MYH10: variants seen among roughly 807,000 people sequenced by gnomAD.
The protein encoded by MYH10 is myosin heavy chain 10, also known as myosin-10.
MYH10 carries 55 observed loss-of-function variants against 257.8 expected under a neutral mutation model. That is an observed-to-expected ratio of 0.21 (90% CI 0.17 to 0.27). The LOEUF is 0.27. MYH10 is among the 10% of genes least tolerant of loss of function. The probability of loss-of-function intolerance (pLI) is 1.00; values close to 1 mark genes in which losing one functional copy is unlikely to be tolerated. For missense variants in MYH10, 1,631 were observed against 2,500.6 expected (o/e 0.65, Z 7.42); for synonymous variants, 854 against 921.7 (o/e 0.93, Z 1.33).
intron 22 of MYH10, 45 bp downstream of exon 22, chr17:8,513,741 C>G (rs2081373537): frequency 6.2e-7 from 1 of 1,610,580 alleles, no homozygotes; most frequent in South Asian, 1.1e-5. Flanking sequence ...CCTGATCAGA[C>G]TCTGCTATTT....
intron 2 of MYH10, among the ~76,000 whole-genome samples, chr17:8,610,169 C>A (rs1320456628): frequency 2.1e-5 from 3 of 144,522 alleles, no homozygotes; most frequent in Non-Finnish European, 3.0e-5. Context: ...AAGTGAGAGA[C>A]AATGTAGCAT....
rs763852422 is a variant in MYH10, at chr17:8,476,878, C to T, written c.5877G>A (p.Leu1959=). The T allele has an allele frequency of 6.8e-6, 11 of 1,607,022 alleles. No homozygotes were observed. Among genetic ancestry groups the T allele is most frequent in the Admixed American group, 1.7e-5 (1 of 59,984 alleles). Residue 1959 remains leucine (L), a splice_region_variant and synonymous_variant, in exon 42 of 43, where the codon CTG becomes CTA. Coordinates refer to ENST00000360416, the MANE Select transcript of MYH10 (RefSeq NM_001256012.3). ...SREVSTLKNR[L]RRGGPISFSS... ...CTCGGGGCCGCATGCCTGCTCACCT[C>T]AGCCGGTTCTTCAGGGTGCTGACCT...
At chr17:8,598,729 C>A (rs1229937789) in intron 3 of MYH10, among the ~76,000 whole-genome samples, 9 of 141,146 alleles carry the variant, frequency 6.4e-5, no homozygotes, top group Admixed American at 4.3e-4. Flanking sequence ...TTTTTTGAGA[C>A]GGGGTCTTGC....
intron 35 of MYH10, 144 bp from the exon 36 acceptor site, chr17:8,487,738 T>TAC: frequency 2.1e-6 from 2 of 948,768 alleles, no homozygotes; most frequent in Non-Finnish European, 3.2e-6. Flanking sequence ...ACCAAACAGT[T>TAC]ACTATCAACA....
At chr17:8,525,032 C>A (rs2081796936) in intron 17 of MYH10, among the ~76,000 whole-genome samples, 2 of 152,208 alleles carry the variant, frequency 1.3e-5, no homozygotes, top group African/African-American at 4.8e-5. Flanking sequence ...AACGAAGGCA[C>A]CTCTCTTGTC....
rs1240169980 is a variant in MYH10, at chr17:8,495,230, A to C, written c.3963T>G (p.Asp1321Glu). The C allele has an allele frequency of 1.2e-6, 2 of 1,605,390 alleles. No individual in the cohort carries two copies. The highest frequency in any genetic ancestry group is 1.7e-6 in the Non-Finnish European group (2 of 1,172,548). Reference sequence around the variant, plus strand: ...CTTCTTCCAGAAGGGTGGAGACATTATCTAGCTCATTCTGTAAGGAGCAGA... The same window carrying C: ...CTTCTTCCAGAAGGGTGGAGACATTCTCTAGCTCATTCTGTAAGGAGCAGA... ...EKASKLQNELDNVSTLLEEAE... is the reference protein window; with the variant it reads ...EKASKLQNELENVSTLLEEAE... The change falls in exon 31 of 43, where the codon GAT becomes GAG. Residue 1321 changes from aspartate (D) to glutamate (E), a missense_variant. Around this residue, in one of 11 missense-constraint regions of MYH10, gnomAD observed 463 missense variants for 621.8 expected, o/e 0.74. Transcript: ENST00000360416.
rs538005359 is a variant in MYH10 at position 8,524,902 on chromosome 17, T to A, written c.1958-3617A>T. Among the ~76,000 whole-genome samples, 12 of 152,314 alleles carry A rather than the reference T, an allele frequency of 7.9e-5. No homozygotes were observed. The South Asian group carries it at 2.1e-3, about 26-fold the overall frequency. ...CTCAGAGTCAGACACACCACACTCATGAGCTGGGTGATTCTGGGGCAAGTG... is the reference window on the plus strand; with the variant it reads ...CTCAGAGTCAGACACACCACACTCAAGAGCTGGGTGATTCTGGGGCAAGTG... On this transcript the variant is annotated intron_variant, in intron 17 of 42. Coordinates refer to ENST00000360416, the MANE Select transcript of MYH10 (RefSeq NM_001256012.3).
chr17:8,526,167 T>A (rs2081839930), intron 17 of MYH10, among the ~76,000 whole-genome samples: 1 of 152,176 alleles, frequency 6.6e-6, no homozygotes, highest in African/African-American at 2.4e-5. Context: ...AGAAACACTT[T>A]GGGAAATTCA....
intron 6 of MYH10, among the ~76,000 whole-genome samples, chr17:8,573,412 GCA>G (rs1444529063): frequency 2.0e-5 from 3 of 152,292 alleles, no homozygotes; most frequent in East Asian, 3.9e-4. Flanking sequence ...TCTTGGTTCA[GCA>G]CAGTTTAAAC....
chr17:8,538,626 T>G (rs1027201706), intron 14 of MYH10, among the ~76,000 whole-genome samples: 2 of 152,130 alleles, frequency 1.3e-5, no homozygotes, highest in African/African-American at 4.8e-5. Context: ...CTGAGCTATC[T>G]CTCCTATAAA....
At chr17:8,493,962 T>C in intron 31 of MYH10, 77 bp from the exon 32 acceptor site, 1 of 1,490,164 alleles carries the variant, frequency 6.7e-7, no homozygotes, top group Non-Finnish European at 9.0e-7. Context: ...AAAGAATTCA[T>C]GTCGTACAAA....
Position 8,623,037 on chromosome 17 carries a change from C to T in MYH10, c.210G>A (p.Met70Ile). 1 of 1,614,104 alleles carries T rather than the reference C, an allele frequency of 6.2e-7. No homozygotes were observed. Among genetic ancestry groups the T allele is most frequent in the South Asian group, 1.1e-5 (1 of 91,078 alleles). The change falls in exon 2 of 43, where the codon ATG becomes ATA. Residue 70 changes from methionine (M) to isoleucine (I), a missense_variant. Physicochemically the swap from Met to Ile is conservative, Grantham distance 10. This residue lies in a region of MYH10 where 360 missense variants were observed against 581.9 expected (regional missense o/e 0.62). Transcript: ENST00000360416. ...VELAENGKKA[M>I]VNKDDIQKMN... Reference sequence around the variant, plus strand: ...TCTTCTGAATATCATCTTTGTTGACCATTGCTTTCTTTCCATTCTCTGCCA... The same window carrying T: ...TCTTCTGAATATCATCTTTGTTGACTATTGCTTTCTTTCCATTCTCTGCCA...
intron 3 of MYH10, among the ~76,000 whole-genome samples, chr17:8,599,241 T>C (rs944243583): frequency 1.3e-5 from 2 of 152,234 alleles, no homozygotes; most frequent in Non-Finnish European, 2.9e-5. Flanking sequence ...GCCTGCTATA[T>C]GGAATAGACA....
chr17:8,564,993 A>G (rs1454178638), intron 7 of MYH10, among the ~76,000 whole-genome samples: 2 of 152,156 alleles, frequency 1.3e-5, no homozygotes, highest in African/African-American at 2.4e-5. Context: ...GTTGGCCTGG[A>G]CGTGGGCCAT....
At chr17:8,501,012 C>T in intron 28 of MYH10, 42 bp from the exon 29 acceptor site, 3 of 1,565,358 alleles carry the variant, frequency 1.9e-6, no homozygotes, top group Non-Finnish European at 2.6e-6. Flanking sequence ...AATTAGCTGA[C>T]TGATTAAAAA....
chr17:8,508,380 G>A (rs1345830816), intron 26 of MYH10, among the ~76,000 whole-genome samples, 174 bp downstream of exon 26: 1 of 152,178 alleles, frequency 6.6e-6, no homozygotes, highest in Non-Finnish European at 1.5e-5. Context: ...TAGGATTACA[G>A]GCCTGAGACA....
In MYH10 at chr17:8,475,938, G is replaced by A. The variant is rs1389025741; in HGVS notation, c.5890C>T (p.Pro1964Ser). ...GATCGGCTGGAAGAGAAGCTGATGG[G>A]GCCACCCCGCCTGGAGAACACAGGA... ...TLKNRLRRGGPISFSSSRSGR... is the reference protein window; with the variant it reads ...TLKNRLRRGGSISFSSSRSGR... Residue 1964 changes from proline (P) to serine (S), a missense_variant, in exon 43 of 43, where the codon CCC becomes TCC. This residue lies in a region of MYH10 where 343 missense variants were observed against 389.5 expected (regional missense o/e 0.88). Transcript: ENST00000360416. 2 of 1,613,416 alleles carry A rather than the reference G, an allele frequency of 1.2e-6. No individual in the cohort carries two copies. Among genetic ancestry groups the A allele is most frequent in the East Asian group, 2.2e-5 (1 of 44,892 alleles).
chr17:8,477,118 G>T lies in MYH10; in HGVS notation c.5707-70C>A. ...CAGTGTCGGCCTCTCTGTACCCCGA[G>T]CGTGGCAGTGTGGGGCTCTGCCTGT... On this transcript the variant is annotated intron_variant, in intron 41 of 42. Transcript: ENST00000360416. The surrounding 1 kb of genome is among the most constrained non-coding windows in gnomAD (Gnocchi z 4.2). 1 of 1,565,090 alleles carries T rather than the reference G, an allele frequency of 6.4e-7. No individual in the cohort carries two copies. The highest frequency in any genetic ancestry group is 8.7e-7 in the Non-Finnish European group (1 of 1,146,332).
At chr17:8,484,984 A>G (rs1914511156) in intron 36 of MYH10, among the ~76,000 whole-genome samples, 1 of 152,232 alleles carries the variant, frequency 6.6e-6, no homozygotes, top group Admixed American at 6.5e-5. Context: ...ATAAAGAAAT[A>G]AAAGATATCC....
Sources: allele counts gnomAD v4.1 joint callset (sites outside exome capture counted in the v4.1 genomes callset), GRCh38; gene constraint gnomAD v4.1.1; regional missense constraint gnomAD v4.1.1; non-coding constraint Gnocchi (gnomAD v3.1); transcripts MANE v1.5; gene names NCBI Gene and HGNC (gene_info 2026-07-23, HGNC 2026-07-21).